The following SAXO1 variants were observed in gnomAD, a reference collection of about 807,000 sequenced individuals.
The protein encoded by SAXO1 is 4930500O09Rik.
Under a neutral mutation model 17.5 loss-of-function variants are expected in SAXO1, and 21 were observed. That is an observed-to-expected ratio of 1.20 (90% CI 0.85 to 1.72). SAXO1 has a LOEUF of 1.72. SAXO1 is among the 40% of genes most tolerant of loss of function. The pLI, the probability that SAXO1 is intolerant of heterozygous loss-of-function variation, is 0.00. For missense variants in SAXO1, 843 were observed against 596.0 expected (o/e 1.41, Z -4.32); for synonymous variants, 274 against 216.5 (o/e 1.27, Z -2.33).
chr9:18,950,865 A>G lies in SAXO1; in HGVS notation c.111T>C (p.Tyr37=). The change falls in exon 2 of 4, where the codon TAT becomes TAC. Residue 37 remains tyrosine (Y), a synonymous_variant. Transcript: ENST00000380534. ...AGTGATAGAAAGGGTAGTTCTCGGT[A>G]TATTCGGAGAGAAGACATGGTTTCT... ...KTEKPCLLSE[Y]TENYPFYHSY... 6.2e-7 allele frequency: 1 copy of G among 1,613,244 alleles called. No individual in the cohort carries two copies. The highest frequency in any genetic ancestry group is 1.1e-5 in the South Asian group (1 of 91,016).
chr9:18,949,999 C>CA (rs1257242830), intron 2 of SAXO1, among the ~76,000 whole-genome samples: 1 of 152,126 alleles, frequency 6.6e-6, no homozygotes, highest in Admixed American at 6.5e-5. Flanking sequence ...CAACTGCACT[C>CA]AAAGATGTTT....
At chr9:18,942,557 G>T (rs888920437) in intron 2 of SAXO1, among the ~76,000 whole-genome samples, 1 of 152,208 alleles carries the variant, frequency 6.6e-6, no homozygotes, top group East Asian at 1.9e-4. Flanking sequence ...AAACCCAGAA[G>T]AGGAAAACAG....
intron 1 of SAXO1, among the ~76,000 whole-genome samples, chr9:18,977,648 C>A (rs1833202861): frequency 6.6e-6 from 1 of 152,082 alleles, no homozygotes; most frequent in Non-Finnish European, 1.5e-5. Flanking sequence ...GACCCATGAG[C>A]CACTTGGAAT....
chr9:18,994,804 C>A (rs565216785), intron 1 of SAXO1, among the ~76,000 whole-genome samples: 2 of 152,288 alleles, frequency 1.3e-5, no homozygotes, highest in East Asian at 1.9e-4. Flanking sequence ...TCCACACTAA[C>A]CCCCAGGATG....
At chr9:19,027,068 G>A (rs1252461627) in intron 1 of SAXO1, 4 of 850,132 alleles carry the variant, frequency 4.7e-6, no homozygotes, top group Admixed American at 3.4e-5. Flanking sequence ...AGATCAAAGA[G>A]AACAGTGAGA....
intron 1 of SAXO1, among the ~76,000 whole-genome samples, chr9:18,970,836 G>A (rs1832917402): frequency 6.6e-6 from 1 of 152,190 alleles, no homozygotes; most frequent in South Asian, 2.1e-4. Context: ...CTGTTGCTAA[G>A]CAGCTTCCTA....
intron 1 of SAXO1, among the ~76,000 whole-genome samples, chr9:19,030,637 C>T (rs944251183): frequency 4.6e-5 from 7 of 151,274 alleles, no homozygotes; most frequent in Non-Finnish European, 8.8e-5. Context: ...ACCCAGCAGG[C>T]GGAGGTTGCA....
intron 1 of SAXO1, among the ~76,000 whole-genome samples, chr9:19,001,902 A>T (rs1834286577): frequency 6.6e-6 from 1 of 152,180 alleles, no homozygotes; most frequent in Non-Finnish European, 1.5e-5. Flanking sequence ...ATCAGAGCAG[A>T]AATGAAGGAG....
intron 2 of SAXO1, among the ~76,000 whole-genome samples, chr9:18,950,509 T>G (rs79213375): frequency 0.017 from 2,641 of 152,272 alleles, 83 homozygotes; most frequent in African/African-American, 0.06. Context: ...TAATCCAGCC[T>G]TTCCCCACCC....
chr9:19,040,536 T>C (rs943934238), intron 1 of SAXO1, among the ~76,000 whole-genome samples: 2 of 151,816 alleles, frequency 1.3e-5, no homozygotes, highest in Non-Finnish European at 2.9e-5. Context: ...CCTAGCTACC[T>C]GGGAGGCTGA....
intron 1 of SAXO1, among the ~76,000 whole-genome samples, chr9:19,045,911 A>C (rs966497293): frequency 1.3e-5 from 2 of 152,036 alleles, no homozygotes; most frequent in Non-Finnish European, 2.9e-5. Context: ...AACATGGAGA[A>C]ACCCCGTATC....
rs773020597 is a variant in SAXO1 at position 19,032,948 on chromosome 9, G to A, written c.-40C>T. 16 of 1,584,506 alleles carry A rather than the reference G, an allele frequency of 1.0e-5. No homozygotes were observed. In the Middle Eastern group the frequency reaches 1.3e-3, roughly 132 times the overall value. On this transcript the variant is annotated 5_prime_UTR_variant, in exon 1 of 4. Coordinates refer to ENST00000380534, the MANE Select transcript of SAXO1 (RefSeq NM_153707.4). ...GGCCCTGACGTCCCCTCAGAGCATC[G>A]CCAGCTGCAGCCGACTCCTAGACCC...
intron 1 of SAXO1, among the ~76,000 whole-genome samples, chr9:18,952,540 T>C (rs1832075503): frequency 6.6e-6 from 1 of 152,248 alleles, no homozygotes; most frequent in African/African-American, 2.4e-5. Context: ...ACCTGTACTG[T>C]TCATATGGCT....
chr9:18,993,310 C>T (rs913259526), intron 1 of SAXO1, among the ~76,000 whole-genome samples: 6 of 151,436 alleles, frequency 4.0e-5, no homozygotes, highest in South Asian at 4.2e-4. Context: ...GTGTTGTTAC[C>T]CTCCCTGTGT....
chr9:19,028,869 C>T (rs1174005160), intron 1 of SAXO1, among the ~76,000 whole-genome samples: 1 of 152,186 alleles, frequency 6.6e-6, no homozygotes, highest in Admixed American at 6.5e-5. Flanking sequence ...CTCTGAAAGG[C>T]GTACCACTTT....
At chr9:19,044,189 G>C (rs905252268) in intron 1 of SAXO1, among the ~76,000 whole-genome samples, 1 of 151,930 alleles carries the variant, frequency 6.6e-6, no homozygotes, top group Non-Finnish European at 1.5e-5. Flanking sequence ...AAATGCTTGA[G>C]GGGATGCATA....
intron 1 of SAXO1, among the ~76,000 whole-genome samples, chr9:18,983,620 G>T (rs1833482326): frequency 6.6e-6 from 1 of 152,202 alleles, no homozygotes. Context: ...TATCATGAGA[G>T]TGCAGTAATT....
intron 1 of SAXO1, among the ~76,000 whole-genome samples, chr9:18,951,251 A>G (rs1458924861): frequency 6.6e-6 from 1 of 152,100 alleles, no homozygotes; most frequent in Non-Finnish European, 1.5e-5. Context: ...TGTGTCCCCA[A>G]GCTCTCCGAG....
intron 1 of SAXO1, among the ~76,000 whole-genome samples, chr9:19,045,373 C>T (rs1219599083): frequency 1.4e-5 from 2 of 147,728 alleles, no homozygotes; most frequent in Admixed American, 6.7e-5. Flanking sequence ...TACAGATCCC[C>T]TCACAATTTC....
Sources: allele counts gnomAD v4.1 joint callset (sites outside exome capture counted in the v4.1 genomes callset), GRCh38; gene constraint gnomAD v4.1.1; transcripts MANE v1.5; gene names NCBI Gene and HGNC (gene_info 2026-07-23, HGNC 2026-07-21).